Variants in SPTBN1 observed in about 807,000 individuals in gnomAD.
The protein encoded by SPTBN1 is spectrin beta, non-erythrocytic 1, also known as spectrin beta chain, non-erythrocytic 1.
A neutral mutation model predicts 266.4 loss-of-function variants in SPTBN1; 32 were observed. The observed-to-expected ratio is 0.12, with a 90% CI of 0.09 to 0.16. SPTBN1 has a LOEUF of 0.16. Ranked by LOEUF, SPTBN1 falls within the 10% of genes least tolerant of loss-of-function variation. The probability of loss-of-function intolerance (pLI) is 1.00; values close to 1 mark genes in which losing one functional copy is unlikely to be tolerated. For missense variants in SPTBN1, 2,296 were observed against 3,067.1 expected (o/e 0.75, Z 5.94); for synonymous variants, 1,336 against 1,162.2 (o/e 1.15, Z -3.04).
chr2:54,585,232 T>TG (rs1248060465), intron 2 of SPTBN1, among the ~76,000 whole-genome samples: 3 of 152,222 alleles, frequency 2.0e-5, no homozygotes, highest in African/African-American at 7.2e-5. Context: ...TTTAAAGCTT[T>TG]GGTTAGTGTT....
At chr2:54,663,767 A>G (rs1237616804) in intron 32 of SPTBN1, 2 of 152,250 alleles carry the variant, frequency 1.3e-5, no homozygotes, top group Non-Finnish European at 2.9e-5. Context: ...CCCACTCACG[A>G]TACAACTTCG....
chr2:54,622,725 A>G (rs1248686147), intron 9 of SPTBN1, among the ~76,000 whole-genome samples: 1 of 152,210 alleles, frequency 6.6e-6, no homozygotes, highest in African/African-American at 2.4e-5. Flanking sequence ...ATTCCAAGAA[A>G]TGGTACAAGT....
At chr2:54,506,976 G>C (rs1287970611) in intron 1 of SPTBN1, among the ~76,000 whole-genome samples, 1 of 150,878 alleles carries the variant, frequency 6.6e-6, no homozygotes, top group African/African-American at 2.4e-5. Context: ...TCAGCAAAGG[G>C]TGGTGGGATT....
chr2:54,611,819 T>C (rs1677235379), intron 3 of SPTBN1, among the ~76,000 whole-genome samples: 1 of 151,410 alleles, frequency 6.6e-6, no homozygotes, highest in African/African-American at 2.4e-5. Context: ...GTCATGCACC[T>C]GCAAAAAAAA....
chr2:54,477,361 ACT>A (rs1491441859), intron 1 of SPTBN1, among the ~76,000 whole-genome samples: 1 of 150,308 alleles, frequency 6.7e-6, no homozygotes, highest in East Asian at 1.9e-4. Context: ...TAAAGACTAA[ACT>A]CTCTAACTCC....
At chr2:54,495,644 TAAAAC>T (rs1359856428) in intron 1 of SPTBN1, among the ~76,000 whole-genome samples, 1 of 150,370 alleles carries the variant, frequency 6.7e-6, no homozygotes, top group African/African-American at 2.4e-5. Flanking sequence ...ATGTATGTTT[TAAAAC>T]AAAATTAGAA....
chr2:54,467,605 G>A (rs983473526), intron 1 of SPTBN1, among the ~76,000 whole-genome samples: 4 of 152,070 alleles, frequency 2.6e-5, no homozygotes, highest in East Asian at 3.9e-4. Flanking sequence ...GACTGGTCTC[G>A]AACTCCTGAC....
chr2:54,618,639 G>C (rs10176445), intron 7 of SPTBN1, among the ~76,000 whole-genome samples: 44,646 of 152,158 alleles, frequency 0.29, 7,894 homozygotes, highest in African/African-American at 0.5. Context: ...GGCATAGGCT[G>C]TTAATGAATA....
chr2:54,500,364 A>T (rs945310572), intron 1 of SPTBN1, among the ~76,000 whole-genome samples: 2 of 151,646 alleles, frequency 1.3e-5, no homozygotes, highest in Admixed American at 6.6e-5. Context: ...GCTGCTGGAG[A>T]TGTCCCTTTC....
In SPTBN1 at chr2:54,668,674, T is replaced by C. The variant is rs1681547521; in HGVS notation, c.*105T>C. Reference sequence around the variant, plus strand: ...TCTCTGTGCCTAATGTTCCTCAATGTGGTTGATTTTTTTTTTTTTTTAATT... The same window carrying C: ...TCTCTGTGCCTAATGTTCCTCAATGCGGTTGATTTTTTTTTTTTTTTAATT... On this transcript the variant is annotated 3_prime_UTR_variant, in exon 36 of 36. Transcript: ENST00000356805. 1 of 853,634 alleles carries C rather than the reference T, an allele frequency of 1.2e-6. No homozygotes were observed. The highest frequency in any genetic ancestry group is 1.6e-6 in the Non-Finnish European group (1 of 607,400). The allele number at this position is 853,634 out of a possible 1,614,324, so 52.9% of individuals were successfully genotyped here.
At chr2:54,661,149 G>C in intron 32 of SPTBN1, 3 of 985,338 alleles carry the variant, frequency 3.0e-6, no homozygotes, top group Non-Finnish European at 3.6e-6. Context: ...AAGACTTTTT[G>C]TGGAATTCTC....
intron 1 of SPTBN1, among the ~76,000 whole-genome samples, chr2:54,470,542 G>A (rs1693867103): frequency 1.3e-5 from 2 of 152,186 alleles, no homozygotes; most frequent in East Asian, 3.8e-4. Context: ...ATGTTTTTTA[G>A]CAAGAATGGA....
intron 1 of SPTBN1, among the ~76,000 whole-genome samples, chr2:54,515,284 T>G (rs755624440): frequency 1.1e-4 from 17 of 150,398 alleles, no homozygotes; most frequent in Non-Finnish European, 1.8e-4. Context: ...GTCCCCAAAT[T>G]CTTGGGGAGA....
At position 54,649,460 on chromosome 2, in the gene SPTBN1, A is replaced by C; in HGVS notation, c.5203-155A>C. On this transcript the variant is annotated intron_variant, in intron 25 of 35. Transcript: ENST00000356805. The surrounding 1 kb of genome is among the most constrained non-coding windows in gnomAD (Gnocchi z 6.7). ...AGCAAGAAAGGAAACCCAGTTGCTA[A>C]GAGGTTCTCGAGCTAAGATCTATTG... The C allele has an allele frequency of 3.2e-6, 4 of 1,251,158 alleles. No individual in the cohort carries two copies. The highest frequency in any genetic ancestry group is 4.3e-6 in the Non-Finnish European group (4 of 923,238). 77.5% of individuals were successfully genotyped at this position (1,251,158 alleles called of 1,614,324 possible). A position where few individuals can be genotyped will look rare whatever the true frequency, so the allele number is the denominator to read the frequency against.
chr2:54,659,302 C>T, intron 31 of SPTBN1, 36 bp downstream of exon 31: 1 of 1,602,802 alleles, frequency 6.2e-7, no homozygotes, highest in South Asian at 1.1e-5. Flanking sequence ...GGACCCTTAG[C>T]CTCGGTGGCC....
In SPTBN1 at chr2:54,467,179, C is replaced by T. The variant is rs1693680119; in HGVS notation, c.-48+10661C>T. Among the ~76,000 whole-genome samples, 4 of 148,902 alleles carry T rather than the reference C, an allele frequency of 2.7e-5. No homozygotes were observed. The South Asian group carries it at 8.5e-4, about 32-fold the overall frequency. On this transcript the variant is annotated intron_variant, in intron 1 of 35. Transcript: ENST00000356805. ...CAAATATAAATGTTGAAGGGCTGTA[C>T]ATTTTTCTGGAATGTTCTTCACCAG...
chr2:54,595,954 T>G (rs1021057923), intron 2 of SPTBN1, among the ~76,000 whole-genome samples: 5 of 152,078 alleles, frequency 3.3e-5, no homozygotes, highest in African/African-American at 1.2e-4. Context: ...TGGAGAACCT[T>G]GGGTCTAAAT....
chr2:54,645,556 G>C lies in SPTBN1; in HGVS notation c.4494+103G>C. On this transcript the variant is annotated intron_variant, in intron 21 of 35. Transcript: ENST00000356805. The surrounding 1 kb of genome is among the most constrained non-coding windows in gnomAD (Gnocchi z 4.3). The stretch of plus-strand genomic sequence containing the variant: ...AGTCATCCTCACCTTGGGCCACGTT[G>C]GCAAGCTGAGCTGCCAAAGTCCACG... 1 of 1,273,708 alleles carries C rather than the reference G, an allele frequency of 7.9e-7. No homozygotes were observed. Among genetic ancestry groups the C allele is most frequent in the Non-Finnish European group, 1.1e-6 (1 of 920,110 alleles). 78.9% of individuals were successfully genotyped at this position (1,273,708 alleles called of 1,614,324 possible). A position where few individuals can be genotyped will look rare whatever the true frequency, so the allele number is the denominator to read the frequency against.
chr2:54,498,972 C>CCTGG (rs1669114407), intron 1 of SPTBN1, among the ~76,000 whole-genome samples: 2 of 52,850 alleles, frequency 3.8e-5, no homozygotes, highest in African/African-American at 3.9e-4. Flanking sequence ...GACGGAGAAA[C>CCTGG]CCAGGAGACT....
Sources: allele counts gnomAD v4.1 joint callset (sites outside exome capture counted in the v4.1 genomes callset), GRCh38; gene constraint gnomAD v4.1.1; non-coding constraint Gnocchi (gnomAD v3.1); transcripts MANE v1.5; gene names NCBI Gene and HGNC (gene_info 2026-07-23, HGNC 2026-07-21).